The following TBL1X variants were observed in gnomAD, a reference collection of about 807,000 sequenced individuals.
The protein encoded by TBL1X is transducin beta like 1 X-linked, also known as F-box-like/WD repeat-containing protein TBL1X.
A neutral mutation model predicts 50.7 loss-of-function variants in TBL1X; 10 were observed. That is an observed-to-expected ratio of 0.20 (90% CI 0.12 to 0.33). TBL1X has a LOEUF of 0.33. TBL1X is among the 10% of genes least tolerant of loss of function. The pLI is 1.00. For missense variants in TBL1X, 340 were observed against 504.4 expected, an observed-to-expected ratio of 0.67 and a Z score of 3.12; for synonymous variants, 190 against 214.7, an observed-to-expected ratio of 0.88 and a Z score of 1.01.
chrX:9,668,518 A>G (rs748680522), intron 5 of TBL1X, among the ~76,000 whole-genome samples: 3 of 112,291 alleles, frequency 2.7e-5, no homozygotes, highest in African/African-American at 9.7e-5. Flanking sequence ...CTTGTGCAAA[A>G]TTTACTGTGA....
intron 3 of TBL1X, among the ~76,000 whole-genome samples, chrX:9,642,929 T>C (rs2082783487): frequency 8.9e-6 from 1 of 112,465 alleles, no homozygotes; most frequent in African/African-American, 3.2e-5. Context: ...CTTTTCTAAT[T>C]GTGGCCTTTT....
intron 5 of TBL1X, among the ~76,000 whole-genome samples, chrX:9,665,195 T>A (rs1409255437): frequency 9.2e-6 from 1 of 108,463 alleles, no homozygotes; most frequent in African/African-American, 3.4e-5. Flanking sequence ...CAGGTATTTT[T>A]TCCCTTGAGG....
chrX:9,578,587 C>T (rs747257111), intron 2 of TBL1X, among the ~76,000 whole-genome samples: 10 of 111,873 alleles, frequency 8.9e-5, no homozygotes, highest in East Asian at 8.4e-4. Flanking sequence ...TAGAACCAGA[C>T]GCTGCAATAA....
chrX:9,671,643 C>T (rs2082961047), intron 5 of TBL1X, among the ~76,000 whole-genome samples: 1 of 112,769 alleles, frequency 8.9e-6, no homozygotes, highest in Non-Finnish European at 1.9e-5. Context: ...GCACATCACC[C>T]TGGCCAGCTG....
intron 2 of TBL1X, among the ~76,000 whole-genome samples, chrX:9,539,370 G>T (rs894804653): frequency 5.4e-5 from 6 of 111,234 alleles, no homozygotes; most frequent in Admixed American, 3.8e-4. Flanking sequence ...GAAGTTGACC[G>T]TATGTACTCT....
At chrX:9,665,886 G>A (rs946684371) in intron 5 of TBL1X, among the ~76,000 whole-genome samples, 1 of 110,659 alleles carries the variant, frequency 9.0e-6, no homozygotes, top group South Asian at 3.8e-4. Flanking sequence ...CTTTTAGCCT[G>A]TGTGTGTAAT....
At chrX:9,576,579 T>C (rs1488983321) in intron 2 of TBL1X, among the ~76,000 whole-genome samples, 1 of 110,546 alleles carries the variant, frequency 9.0e-6, no homozygotes, top group Non-Finnish European at 1.9e-5. Context: ...GTGAACACCT[T>C]CTTTCTTGAC....
chrX:9,536,576 A>G (rs1416028452), intron 2 of TBL1X, among the ~76,000 whole-genome samples: 2 of 111,629 alleles, frequency 1.8e-5, no homozygotes, highest in Non-Finnish European at 3.8e-5. Flanking sequence ...ATCATGTAGT[A>G]TTCATGTCTT....
intron 2 of TBL1X, among the ~76,000 whole-genome samples, chrX:9,562,463 A>T (rs2082329305): frequency 8.9e-6 from 1 of 111,999 alleles, no homozygotes; most frequent in South Asian, 3.7e-4. Flanking sequence ...CAAGCATGAA[A>T]TATTGTTTAT....
intron 16 of TBL1X, among the ~76,000 whole-genome samples, chrX:9,714,062 G>A (rs971487193): frequency 4.6e-5 from 5 of 108,577 alleles, no homozygotes; most frequent in South Asian, 4.1e-4. Flanking sequence ...CCGTCCTCCC[G>A]CCTCGGCCTC....
intron 5 of TBL1X, among the ~76,000 whole-genome samples, chrX:9,683,088 T>G (rs2083035324): frequency 8.9e-6 from 1 of 111,958 alleles, no homozygotes; most frequent in Admixed American, 9.4e-5. Context: ...CGGGGTTGCC[T>G]GTTTTAGGAA....
Position 9,606,549 on chromosome X carries a change from G to A in TBL1X, c.-130-33724G>A, listed in dbSNP as rs192529168. On this transcript the variant is annotated intron_variant, in intron 2 of 17. Coordinates refer to ENST00000645353, the MANE Select transcript of TBL1X (RefSeq NM_005647.4). ...TAAAAAATTAGCCAGGTGTGGTGGC[G>A]CATGGCTGTAGTTGCTGGAACTCGG... Among the ~76,000 whole-genome samples the A allele has an allele frequency of 3.5e-3, 389 of 110,823 alleles. 1 individual carries two copies. The highest frequency in any genetic ancestry group is 0.012 in the African/African-American group (369 of 30,437).
At chrX:9,711,284 G>C (rs777557497) in intron 15 of TBL1X, among the ~76,000 whole-genome samples, 14 of 107,960 alleles carry the variant, frequency 1.3e-4, no homozygotes, top group African/African-American at 3.1e-4. Flanking sequence ...CGAGGCTGCA[G>C]TGAGTCATGA....
At chrX:9,691,470 G>C (rs2083097241) in intron 7 of TBL1X, 109 bp from the exon 8 acceptor site, 2 of 698,751 alleles carry the variant, frequency 2.9e-6, no homozygotes, top group East Asian at 7.3e-5. Flanking sequence ...GGAATCATCA[G>C]AGGTAGTATT....
At chrX:9,513,167 G>A (rs974645686) in intron 2 of TBL1X, among the ~76,000 whole-genome samples, 2 of 111,220 alleles carry the variant, frequency 1.8e-5, no homozygotes. Context: ...TAATTCCTAT[G>A]ATGACCTCTC....
chrX:9,710,689 C>G (rs2083241174), intron 15 of TBL1X, among the ~76,000 whole-genome samples: 1 of 112,121 alleles, frequency 8.9e-6, no homozygotes, highest in African/African-American at 3.2e-5. Context: ...AAATTTGCAG[C>G]TTTCAATAAT....
At chrX:9,538,384 A>G (rs1288218108) in intron 2 of TBL1X, among the ~76,000 whole-genome samples, 1 of 111,839 alleles carries the variant, frequency 8.9e-6, no homozygotes, top group Non-Finnish European at 1.9e-5. Flanking sequence ...ATTGGGAACT[A>G]TCAAATAGTT....
intron 2 of TBL1X, among the ~76,000 whole-genome samples, chrX:9,550,026 G>A (rs2082263394): frequency 8.9e-6 from 1 of 111,789 alleles, no homozygotes; most frequent in Non-Finnish European, 1.9e-5. Context: ...TGGAAATGCA[G>A]GGCACAATGC....
chrX:9,491,326 ATATATATATATATTT>A (rs1449450178), intron 1 of TBL1X, among the ~76,000 whole-genome samples: 2,363 of 29,310 alleles, frequency 0.081, 33 homozygotes, highest in East Asian at 0.25. Flanking sequence ...ATATATATAT[ATATATATATATATTT>A]TTTTTTTTTT....
Sources: allele counts gnomAD v4.1 joint callset (sites outside exome capture counted in the v4.1 genomes callset), GRCh38; gene constraint gnomAD v4.1.1; transcripts MANE v1.5; gene names NCBI Gene and HGNC (gene_info 2026-07-23, HGNC 2026-07-21).